LRCH1: variants seen among roughly 807,000 people sequenced by gnomAD.
LRCH1 encodes the protein leucine rich repeats and calponin homology domain containing 1, also known as leucine-rich repeat and calponin homology domain-containing protein 1.
A neutral mutation model predicts 94.9 loss-of-function variants in LRCH1; 23 were observed. That is an observed-to-expected ratio of 0.24 (90% CI 0.17 to 0.34). The LOEUF is 0.34. Among genes scored for constraint, LRCH1 ranks in the 10% least tolerant of loss-of-function variants. LRCH1 has a pLI of 1.00. For synonymous variants in LRCH1, 364 were observed against 354.9 expected (o/e 1.03, Z -0.29); for missense variants, 790 against 945.9 (o/e 0.84, Z 2.16).
chr13:46,553,531 G>T lies in LRCH1; in HGVS notation c.135G>T (p.Ala45=). ...HHGGTGAPGG[A]GGGGGGSGGF... is the part of the protein sequence containing the mutation. ...GAGGAACCGGCGCCCCCGGCGGGGCGGGTGGTGGCGGCGGTGGCAGCGGGG... is the reference window on the plus strand; with the variant it reads ...GAGGAACCGGCGCCCCCGGCGGGGCTGGTGGTGGCGGCGGTGGCAGCGGGG... The change falls in exon 1 of 20, where the codon GCG becomes GCT. Residue 45 remains alanine, a synonymous_variant. Transcript: ENST00000389797. 6.5e-7 allele frequency: 1 copy of T among 1,546,418 alleles called. No homozygotes were observed. The highest frequency in any genetic ancestry group is 1.2e-5 in the South Asian group (1 of 83,852).
At chr13:46,697,196 G>C (rs925362534) in intron 9 of LRCH1, among the ~76,000 whole-genome samples, 1 of 152,074 alleles carries the variant, frequency 6.6e-6, no homozygotes, top group South Asian at 2.1e-4. Flanking sequence ...TGTGCATATC[G>C]AATTATCCAA....
At chr13:46,712,478 T>G in intron 14 of LRCH1, 47 bp from the exon 15 acceptor site, 6 of 1,394,498 alleles carry the variant, frequency 4.3e-6, no homozygotes, top group Non-Finnish European at 6.1e-6. Context: ...AGTTCTTCTG[T>G]TTTCCTTTTA....
chr13:46,676,542 G>A (rs1028985202), intron 3 of LRCH1, among the ~76,000 whole-genome samples: 13 of 152,268 alleles, frequency 8.5e-5, no homozygotes, highest in South Asian at 2.1e-4. Flanking sequence ...GCATGGCTAC[G>A]TGATAGGAGG....
At chr13:46,571,915 GGAGA>G (rs151008883) in intron 1 of LRCH1, among the ~76,000 whole-genome samples, 21 of 150,794 alleles carry the variant, frequency 1.4e-4, no homozygotes, top group Non-Finnish European at 2.5e-4. Context: ...AGGGAGGGAG[GGAGA>G]GAGAGAGAGA....
At chr13:46,667,382 T>A (rs907408842) in intron 2 of LRCH1, among the ~76,000 whole-genome samples, 1 of 152,010 alleles carries the variant, frequency 6.6e-6, no homozygotes, top group African/African-American at 2.4e-5. Context: ...AAACTTCTAA[T>A]TGAAGAATGA....
intron 1 of LRCH1, among the ~76,000 whole-genome samples, chr13:46,573,866 A>ATATATATATATATATATATATATATATAT: frequency 2.7e-4 from 17 of 63,382 alleles, no homozygotes; most frequent in Admixed American, 4.3e-4. Context: ...ATATATATAT[A>ATATATATATATATATATATATATATATAT]TTTTTTTTTT....
chr13:46,688,022 T>G (rs1228155312), intron 6 of LRCH1, 43 bp downstream of exon 6: 2 of 1,585,014 alleles, frequency 1.3e-6, no homozygotes, highest in South Asian at 2.4e-5. Context: ...AAAATTTGCC[T>G]AGGCCAAGGC....
At chr13:46,627,897 G>A (rs541182315) in intron 1 of LRCH1, among the ~76,000 whole-genome samples, 188 of 152,016 alleles carry the variant, frequency 1.2e-3, no homozygotes, top group African/African-American at 4.1e-3. Context: ...ACCATTACAG[G>A]TGTCTCTGCT....
intron 2 of LRCH1, among the ~76,000 whole-genome samples, chr13:46,659,984 A>G (rs1227607186): frequency 6.7e-6 from 1 of 150,066 alleles, no homozygotes; most frequent in Non-Finnish European, 1.5e-5. Context: ...TCCACCTTGC[A>G]TGATAAGATC....
chr13:46,741,551 C>G (rs888459436), intron 19 of LRCH1, 91 bp from the exon 20 acceptor site: 20 of 1,549,344 alleles, frequency 1.3e-5, no homozygotes, highest in Non-Finnish European at 1.8e-5. Flanking sequence ...TGCTAGTAAC[C>G]AAAAATGTGT....
At chr13:46,630,121 T>A (rs538874750) in intron 1 of LRCH1, among the ~76,000 whole-genome samples, 187 of 152,322 alleles carry the variant, frequency 1.2e-3, no homozygotes, top group African/African-American at 4.0e-3. Flanking sequence ...TTGACTTTAG[T>A]TTTCTTTTTT....
Position 46,742,734 on chromosome 13 carries a change from C to T in LRCH1, c.*886C>T, listed in dbSNP as rs1469165675. 18 of 985,272 alleles carry T rather than the reference C, an allele frequency of 1.8e-5. No homozygotes were observed. The South Asian group carries it at 2.8e-4, about 15-fold the overall frequency. 61.0% of individuals were successfully genotyped at this position (985,272 alleles called of 1,614,324 possible). A position where few individuals can be genotyped will look rare whatever the true frequency, so the allele number is the denominator to read the frequency against. ...TAGTAACTGCCGGTCCAGAATGTGA[C>T]GGATTCGACTCTATTCATTTTCAAA... On this transcript the variant is annotated 3_prime_UTR_variant, in exon 20 of 20. Transcript: ENST00000389797.
chr13:46,660,095 T>C (rs796641870), intron 2 of LRCH1, among the ~76,000 whole-genome samples: 46 of 143,828 alleles, frequency 3.2e-4, no homozygotes, highest in African/African-American at 1.1e-3. Context: ...CACTGCAAGC[T>C]CCGCCTCCTT....
intron 1 of LRCH1, among the ~76,000 whole-genome samples, chr13:46,623,855 TC>T (rs1210529516): frequency 2.0e-5 from 2 of 99,072 alleles, no homozygotes; most frequent in Admixed American, 1.3e-4. Flanking sequence ...ATGCTATCCC[TC>T]CCCCCTCCCC....
chr13:46,741,757 G>A lies in LRCH1; in HGVS notation c.2201G>A (p.Arg734His), dbSNP rs147211427. ...GCCCCACCACCAACTTCTGCCCTCC[G>A]CTCCAGGGACCTTATAGGCTTCTGT... ...EKAPPPTSALRSRDLIGFCLV... is the reference protein window; with the variant it reads ...EKAPPPTSALHSRDLIGFCLV... The change falls in exon 20 of 20, where the codon CGC (arginine) becomes CAC (histidine). Residue 734 changes from arginine to histidine, a missense_variant. Arg to His is a conservative substitution (Grantham distance 29). This residue lies in a region of LRCH1 where 460 missense variants were observed against 508.9 expected (regional missense o/e 0.90). Coordinates refer to ENST00000389797, the MANE Select transcript of LRCH1 (RefSeq NM_001164211.2). 1.9e-5 allele frequency: 30 copies of A among 1,614,012 alleles called. No homozygotes were observed. Among genetic ancestry groups the A allele is most frequent in the East Asian group, 1.8e-4 (8 of 44,878 alleles).
At chr13:46,652,202 G>A (rs1388275232) in intron 2 of LRCH1, among the ~76,000 whole-genome samples, 1 of 151,374 alleles carries the variant, frequency 6.6e-6, no homozygotes, top group Non-Finnish European at 1.5e-5. Flanking sequence ...TCAGCCTACT[G>A]AGTAGCTGGG....
At chr13:46,618,282 A>G (rs945121711) in intron 1 of LRCH1, among the ~76,000 whole-genome samples, 1 of 152,220 alleles carries the variant, frequency 6.6e-6, no homozygotes, top group Non-Finnish European at 1.5e-5. Context: ...GTATTTGTGT[A>G]TCTAAGCATA....
At chr13:46,618,637 A>G (rs2050841004) in intron 1 of LRCH1, among the ~76,000 whole-genome samples, 1 of 152,234 alleles carries the variant, frequency 6.6e-6, no homozygotes, top group South Asian at 2.1e-4. Context: ...ACGTTACACT[A>G]CAATGTAGTC....
chr13:46,697,451 T>C (rs926281955), intron 9 of LRCH1, among the ~76,000 whole-genome samples: 1 of 152,170 alleles, frequency 6.6e-6, no homozygotes, highest in African/African-American at 2.4e-5. Context: ...CTAACACACG[T>C]ATTGTCCTCT....
Sources: allele counts gnomAD v4.1 joint callset (sites outside exome capture counted in the v4.1 genomes callset), GRCh38; gene constraint gnomAD v4.1.1; regional missense constraint gnomAD v4.1.1; transcripts MANE v1.5; gene names NCBI Gene and HGNC (gene_info 2026-07-23, HGNC 2026-07-21).